RRP12: variants seen among roughly 807,000 people sequenced by gnomAD.
RRP12 encodes RRP12-like protein.
In RRP12, 78 loss-of-function variants were observed where a neutral mutation model predicts 157.3. The observed-to-expected ratio is 0.50, with a 90% CI of 0.41 to 0.60. RRP12 has a LOEUF of 0.60. Ranked by LOEUF, RRP12 falls within the 20% of genes least tolerant of loss-of-function variation. The probability of loss-of-function intolerance (pLI) is 0.00; values close to 1 mark genes in which losing one functional copy is unlikely to be tolerated. For missense variants in RRP12, 1,521 were observed against 1,679.9 expected (o/e 0.91, Z 1.65); for synonymous variants, 726 against 670.9 (o/e 1.08, Z -1.27).
chr10:97,370,643 C>A, intron 22 of RRP12, 73 bp downstream of exon 22: 1 of 1,588,356 alleles, frequency 6.3e-7, no homozygotes, highest in Non-Finnish European at 8.6e-7. Flanking sequence ...CCCATCACTG[C>A]CCTCCCTGGA....
intron 25 of RRP12, among the ~76,000 whole-genome samples, chr10:97,368,828 A>G (rs144885921): frequency 5.3e-5 from 8 of 152,318 alleles, no homozygotes; most frequent in Non-Finnish European, 1.0e-4. Flanking sequence ...AATATGCAAG[A>G]GGGACCCAGA....
intron 2 of RRP12, among the ~76,000 whole-genome samples, chr10:97,396,905 C>T (rs1171423670): frequency 2.6e-5 from 4 of 152,188 alleles, no homozygotes; most frequent in East Asian, 3.9e-4. Flanking sequence ...GCTGGGATTA[C>T]AGGTGTGCAC....
intron 6 of RRP12, among the ~76,000 whole-genome samples, chr10:97,389,644 G>A (rs1232304174): frequency 1.3e-5 from 2 of 152,180 alleles, no homozygotes; most frequent in African/African-American, 2.4e-5. Context: ...GCCAGGAGGT[G>A]CGCCAGGCCT....
rs1434081574 is a variant in RRP12, at chr10:97,373,127, G to A, written c.2100C>T (p.Pro700=). The change falls in exon 18 of 34, where the codon CCC becomes CCT. Residue 700 remains proline, a synonymous_variant. Coordinates refer to ENST00000370992, the MANE Select transcript of RRP12 (RefSeq NM_015179.4). The stretch of plus-strand genomic sequence containing the variant: ...GGGCTGGAGTGTCCCCGGCTGCCAC[G>A]GGCTGCCCATACAGGTTGAAGAGGA... ...LPILFNLYGQ[P]VAAGDTPAPR... is the part of the protein sequence containing the mutation. 8.1e-6 allele frequency: 13 copies of A among 1,613,950 alleles called. No individual in the cohort carries two copies. Among genetic ancestry groups the A allele is most frequent in the African/African-American group, 2.7e-5 (2 of 74,934 alleles).
At position 97,373,151 on chromosome 10, in the gene RRP12, G is replaced by A. The variant is rs1047801130; in HGVS notation, c.2076C>T (p.Ile692=). ...CGGGCTGCCCATACAGGTTGAAGAG[G>A]ATCGGCAGAAAGTTCTTGGCAAAGC... ...VSRFAKNFLP[I]LFNLYGQPVA... Residue 692 remains isoleucine, a synonymous_variant, in exon 18 of 34, where the codon ATC becomes ATT. Transcript: ENST00000370992. The A allele has an allele frequency of 3.1e-6, 5 of 1,614,118 alleles. No individual in the cohort carries two copies. Among genetic ancestry groups the A allele is most frequent in the Non-Finnish European group, 4.2e-6 (5 of 1,180,044 alleles).
chr10:97,373,632 G>A lies in RRP12; in HGVS notation c.1969C>T (p.Leu657=). 1 of 1,613,520 alleles carries A rather than the reference G, an allele frequency of 6.2e-7. No homozygotes were observed. The highest frequency in any genetic ancestry group is 1.7e-5 in the Admixed American group (1 of 59,972). Residue 657 remains leucine, a synonymous_variant, in exon 17 of 34, where the codon CTG becomes TTG. Coordinates refer to ENST00000370992, the MANE Select transcript of RRP12 (RefSeq NM_015179.4). The part of the protein sequence containing the change: ...LGMAISERPD[L]RVTVCQALRT... Reference sequence around the variant, plus strand: ...AGGGCCTGGCACACGGTGACCCTCAGGTCTGGACGCTCGCTGATGGCCATG... The same window carrying A: ...AGGGCCTGGCACACGGTGACCCTCAAGTCTGGACGCTCGCTGATGGCCATG...
At position 97,390,420 on chromosome 10, in the gene RRP12, C is replaced by T; in HGVS notation, c.753+3G>A. The T allele has an allele frequency of 6.2e-7, 1 of 1,609,656 alleles. No individual in the cohort carries two copies. Among genetic ancestry groups the T allele is most frequent in the Non-Finnish European group, 8.5e-7 (1 of 1,176,102 alleles). Reference sequence around the variant, plus strand: ...CCATTTTCTAGGGAGCTAGTAGTCTCACCTTGGGCTTGGGATGCACCGTGA... The same window carrying T: ...CCATTTTCTAGGGAGCTAGTAGTCTTACCTTGGGCTTGGGATGCACCGTGA... On this transcript the variant is annotated splice_donor_region_variant and intron_variant, in intron 6 of 33. Transcript: ENST00000370992.
chr10:97,362,859 C>T (rs1843880507), intron 30 of RRP12, among the ~76,000 whole-genome samples: 1 of 152,166 alleles, frequency 6.6e-6, no homozygotes, highest in African/African-American at 2.4e-5. Context: ...GGACACTTGG[C>T]AAGGCATATG....
At chr10:97,360,165 C>T (rs1004182662) in intron 31 of RRP12, among the ~76,000 whole-genome samples, 2 of 152,236 alleles carry the variant, frequency 1.3e-5, no homozygotes, top group Admixed American at 1.3e-4. Context: ...AGCCCTGGCA[C>T]CGGCCAAGTG....
rs201244153 is a variant in RRP12, at chr10:97,380,837, C to T, written c.1495G>A (p.Glu499Lys). 142 of 1,614,172 alleles carry T rather than the reference C, an allele frequency of 8.8e-5. No individual in the cohort carries two copies. Among genetic ancestry groups the T allele is most frequent in the Non-Finnish European group, 1.1e-4 (134 of 1,180,008 alleles). The change falls in exon 13 of 34, where the codon GAG (glutamate) becomes AAG (lysine). Residue 499 changes from glutamate to lysine, a missense_variant. Transcript: ENST00000370992. The stretch of plus-strand genomic sequence containing the variant: ...GGGTGGGCCTGTCTCCCACACGCCT[C>T]GAAGAAGACACACAGCAGCTGCAAC... ...SVLQLLCVFF[E>K]ACGRQAHPVM...
In RRP12 at chr10:97,371,061, C is replaced by T; in HGVS notation, c.2364G>A (p.Gln788=). ...CCTCCAGCACTCGGTAGGCCTTCTT[C>T]TGCACCCCGTGGGCCTTGCTCTGGC... ...PYLESKAHGV[Q]KKAYRVLEEV... Residue 788 remains glutamine, a synonymous_variant, in exon 21 of 34, where the codon CAG becomes CAA. Transcript: ENST00000370992. 1 of 1,613,732 alleles carries T rather than the reference C, an allele frequency of 6.2e-7. No individual in the cohort carries two copies. Among genetic ancestry groups the T allele is most frequent in the Non-Finnish European group, 8.5e-7 (1 of 1,179,938 alleles).
At chr10:97,379,830 A>C (rs1346230868) in intron 13 of RRP12, 60 bp from the exon 14 acceptor site, 4 of 1,525,862 alleles carry the variant, frequency 2.6e-6, no homozygotes, top group Non-Finnish European at 3.5e-6. Context: ...ACCCATGACA[A>C]GACCCCGCTG....
At chr10:97,368,178 G>T (rs769367449) in intron 25 of RRP12, among the ~76,000 whole-genome samples, 99 of 148,722 alleles carry the variant, frequency 6.7e-4, no homozygotes, top group Non-Finnish European at 7.7e-4. Context: ...CTACAGGCGC[G>T]CACCACCATG....
chr10:97,399,127 G>C (rs1393297615), intron 2 of RRP12, among the ~76,000 whole-genome samples: 1 of 151,940 alleles, frequency 6.6e-6, no homozygotes, highest in African/African-American at 2.4e-5. Context: ...CAGAAAATTA[G>C]CCGGGCATGG....
rs1022564921 is a variant in RRP12, at chr10:97,366,521, G to A, written c.3316C>T (p.Arg1106Trp). 3.7e-6 allele frequency: 6 copies of A among 1,614,044 alleles called. No homozygotes were observed. The highest frequency in any genetic ancestry group is 1.3e-5 in the African/African-American group (1 of 75,036). ...CCACCGCCCTCTTTCAGCCATGCCC[G>A]GCTCCTCTGTCGTGCCAGCTTCCGC... ...EQRKLARQRS[R>W]AWLKEGGGDE... is the part of the protein sequence containing the mutation. The change falls in exon 28 of 34, where the codon CGG becomes TGG. Residue 1106 changes from arginine to tryptophan, a missense_variant. Arg to Trp is a moderately radical substitution (Grantham distance 101, BLOSUM62 -3). Coordinates refer to ENST00000370992, the MANE Select transcript of RRP12 (RefSeq NM_015179.4).
chr10:97,393,449 T>A (rs1289499755), intron 4 of RRP12: 1 of 663,958 alleles, frequency 1.5e-6, no homozygotes, highest in Non-Finnish European at 2.8e-6. Flanking sequence ...CTTCTTGGCA[T>A]AAAGGTAAAT....
In RRP12 at chr10:97,357,179, T is replaced by C. The variant is rs560000334; in HGVS notation, c.3809A>G (p.Gln1270Arg). The change falls in exon 34 of 34, where the codon CAG (glutamine) becomes CGG (arginine). Residue 1270 changes from glutamine (Q) to arginine (R), a missense_variant. Physicochemically the swap from Gln to Arg is conservative, Grantham distance 43. Transcript: ENST00000370992. ...KLNRRKKMKL[Q>R]GQFKGLVKAA... ...CTTCACCAGGCCTTTGAACTGTCCC[T>C]GCAGCTTCATCTTCTTCCTGCAGGG... is the stretch of plus-strand genomic sequence containing the variant. The C allele has an allele frequency of 2.2e-4, 348 of 1,609,894 alleles. 3 individuals carry two copies. In the South Asian group the frequency reaches 3.7e-3, roughly 17 times the overall value.
chr10:97,357,465 GCTCCCTCTGCCCACCCATCC>G (rs1843740358), intron 33 of RRP12, among the ~76,000 whole-genome samples: 1 of 152,238 alleles, frequency 6.6e-6, no homozygotes, highest in East Asian at 1.9e-4. Flanking sequence ...GAAGGTCAAA[GCTCCCTCTGCCCACCCATCC>G]CTCCATTGAA....
rs537140850 is a variant in RRP12, at chr10:97,388,571, G to C, written c.807C>G (p.Phe269Leu). 1.9e-6 allele frequency: 3 copies of C among 1,614,056 alleles called. No individual in the cohort carries two copies. The highest frequency in any genetic ancestry group is 1.7e-6 in the Non-Finnish European group (2 of 1,180,036). The stretch of plus-strand genomic sequence containing the variant: ...GATGGGCAGGGGCCTTTTCAAACAT[G>C]AATTCACTGCCCTTGAGGACTGAGC... ...GVCSVLKGSE[F>L]MFEKAPAHHP... The change falls in exon 7 of 34, where the codon TTC (phenylalanine) becomes TTG (leucine). Residue 269 changes from phenylalanine (F) to leucine (L), a missense_variant. Physicochemically the swap from Phe to Leu is conservative, Grantham distance 22. Coordinates refer to ENST00000370992, the MANE Select transcript of RRP12 (RefSeq NM_015179.4).
Sources: gnomAD v4.1 joint callset for allele counts (sites outside exome capture counted in the v4.1 genomes callset) on GRCh38, gnomAD v4.1.1 for gene constraint, MANE v1.5 for transcripts, NCBI Gene and HGNC (gene_info 2026-07-23, HGNC 2026-07-21) for gene names.